The following SNTG1 variants were observed in gnomAD, a reference collection of about 807,000 sequenced individuals.
SNTG1 encodes the protein syntrophin gamma 1.
In SNTG1, 39 loss-of-function variants were observed where a neutral mutation model predicts 74.7. The ratio of observed to expected loss-of-function variants is 0.52; its 90% CI spans 0.40 to 0.68. SNTG1 has a LOEUF of 0.68. Ranked by LOEUF, SNTG1 falls within the 30% of genes least tolerant of loss-of-function variation. The pLI is 0.00. For missense variants in SNTG1, 685 were observed against 609.5 expected (o/e 1.12, Z -1.30); for synonymous variants, 254 against 217.1 (o/e 1.17, Z -1.49).
intron 13 of SNTG1, among the ~76,000 whole-genome samples, chr8:50,620,439 T>C (rs762680221): frequency 6.6e-6 from 1 of 152,160 alleles, no homozygotes; most frequent in Non-Finnish European, 1.5e-5. Flanking sequence ...AAAAGTCCCT[T>C]TGGCACCTGT....
intron 18 of SNTG1, among the ~76,000 whole-genome samples, chr8:50,754,860 A>G (rs1271612467): frequency 2.0e-5 from 3 of 151,596 alleles, no homozygotes; most frequent in Non-Finnish European, 4.4e-5. Flanking sequence ...TTGTGTTTCT[A>G]TTTTCATCGG....
At chr8:50,246,085 C>T (rs1440741939) in intron 2 of SNTG1, among the ~76,000 whole-genome samples, 1 of 150,332 alleles carries the variant, frequency 6.7e-6, no homozygotes, top group South Asian at 2.1e-4. Flanking sequence ...GTATTAAAAT[C>T]TCTCATGCAC....
chr8:50,689,402 AT>A (rs1228640146), intron 15 of SNTG1, among the ~76,000 whole-genome samples: 1 of 151,962 alleles, frequency 6.6e-6, no homozygotes, highest in Non-Finnish European at 1.5e-5. Context: ...GATAGCTCTT[AT>A]TTTTTTGAGA....
At chr8:50,413,857 A>G (rs2092981828) in intron 4 of SNTG1, among the ~76,000 whole-genome samples, 1 of 152,122 alleles carries the variant, frequency 6.6e-6, no homozygotes, top group Non-Finnish European at 1.5e-5. Context: ...CATTTAAACT[A>G]TTTATTGAAT....
intron 15 of SNTG1, among the ~76,000 whole-genome samples, chr8:50,704,063 C>T (rs773663328): frequency 6.6e-6 from 1 of 151,878 alleles, no homozygotes; most frequent in African/African-American, 2.4e-5. Flanking sequence ...GCATCAAAGT[C>T]GTTTTTTTGA....
chr8:50,517,733 A>G (rs965324364), intron 9 of SNTG1, among the ~76,000 whole-genome samples: 37 of 152,150 alleles, frequency 2.4e-4, no homozygotes, highest in African/African-American at 8.7e-4. Flanking sequence ...TGATAAAAGG[A>G]TCAATGCAAC....
chr8:50,597,534 T>C (rs1394255528), intron 13 of SNTG1, among the ~76,000 whole-genome samples: 1 of 151,800 alleles, frequency 6.6e-6, no homozygotes. Flanking sequence ...CAGCTATCTC[T>C]TTGACATACT....
chr8:50,313,565 C>A (rs1026170462), intron 2 of SNTG1, among the ~76,000 whole-genome samples: 3 of 149,724 alleles, frequency 2.0e-5, no homozygotes, highest in Non-Finnish European at 4.4e-5. Context: ...TGTGCAACAT[C>A]GTTAATCATC....
At chr8:49,969,583 G>C (rs1811469887) in intron 1 of SNTG1, among the ~76,000 whole-genome samples, 1 of 151,646 alleles carries the variant, frequency 6.6e-6, no homozygotes, top group Non-Finnish European at 1.5e-5. Context: ...TTTTAGTAGA[G>C]ACGGGGTTTC....
At chr8:50,489,622 G>T (rs1432589230) in intron 8 of SNTG1, among the ~76,000 whole-genome samples, 3 of 152,156 alleles carry the variant, frequency 2.0e-5, no homozygotes, top group Admixed American at 2.0e-4. Context: ...TGATGGAGTT[G>T]TTTGTTTTTT....
intron 12 of SNTG1, among the ~76,000 whole-genome samples, chr8:50,585,725 C>G (rs1342177459): frequency 6.6e-6 from 1 of 151,748 alleles, no homozygotes; most frequent in Non-Finnish European, 1.5e-5. Flanking sequence ...ATAGCAGACA[C>G]TATATTAATC....
chr8:50,305,395 T>TAA (rs2089845814), intron 2 of SNTG1, among the ~76,000 whole-genome samples: 1 of 152,118 alleles, frequency 6.6e-6, no homozygotes, highest in East Asian at 1.9e-4. Flanking sequence ...TACTAGAATG[T>TAA]GTCTTCTTGG....
Position 50,259,549 on chromosome 8 carries a change from A to G in SNTG1, c.-28+86914A>G, listed in dbSNP as rs530652012. 1.3e-3 allele frequency among the ~76,000 whole-genome samples: 188 copies of G among 143,572 alleles called. 32 individuals carry two copies. The highest frequency in any genetic ancestry group is 4.4e-3 in the African/African-American group (177 of 39,990). The allele number at this position is 143,572 out of a possible 152,430, so 94.2% of individuals were successfully genotyped here. A position where few individuals can be genotyped will look rare whatever the true frequency, so the allele number is the denominator to read the frequency against. On this transcript the variant is annotated intron_variant, in intron 2 of 18. Transcript: ENST00000642720. ...GAAAGAAAGAAAGAAAGAAAGAAAG[A>G]AAGAAAGAAAGAAAGAAAGAAAGAG... is the stretch of plus-strand genomic sequence containing the variant.
chr8:50,000,725 T>C (rs1814666588), intron 1 of SNTG1, among the ~76,000 whole-genome samples: 1 of 152,216 alleles, frequency 6.6e-6, no homozygotes, highest in Non-Finnish European at 1.5e-5. Context: ...ATCTGTGCTT[T>C]ACAAATGTAG....
intron 2 of SNTG1, among the ~76,000 whole-genome samples, chr8:50,377,668 G>A (rs765326156): frequency 1.3e-5 from 2 of 152,024 alleles, no homozygotes; most frequent in East Asian, 1.9e-4. Flanking sequence ...TTGGTTAAAA[G>A]CAATTTTATC....
In SNTG1 at chr8:50,794,188, G is replaced by A. The variant is rs1027110590; in HGVS notation, c.*1359G>A. 1 of 150,834 alleles carries A rather than the reference G, an allele frequency of 6.6e-6. No homozygotes were observed. Among genetic ancestry groups the A allele is most frequent in the African/African-American group, 2.4e-5 (1 of 41,120 alleles). 9.3% of individuals were successfully genotyped at this position (150,834 alleles called of 1,614,324 possible). On this transcript the variant is annotated 3_prime_UTR_variant, in exon 19 of 19. Coordinates refer to ENST00000642720, the MANE Select transcript of SNTG1 (RefSeq NM_018967.5). The stretch of plus-strand genomic sequence containing the variant: ...AACCAAGTATTATGTGTGTCCTTGT[G>A]GAGATAACCAAGTATCTAATAAATT...
chr8:50,771,064 C>T (rs1190061159), intron 18 of SNTG1, among the ~76,000 whole-genome samples: 3 of 152,050 alleles, frequency 2.0e-5, no homozygotes, highest in African/African-American at 4.8e-5. Flanking sequence ...AATTGGCATG[C>T]AGAGTGGGGT....
chr8:50,376,752 T>TAGAGAGAGAGAG (rs1209571081), intron 2 of SNTG1, among the ~76,000 whole-genome samples: 16 of 100,802 alleles, frequency 1.6e-4, no homozygotes, highest in South Asian at 3.3e-4. Flanking sequence ...TATATATATA[T>TAGAGAGAGAGAG]ATATAGAGAG....
chr8:50,608,299 C>G (rs761359608), intron 13 of SNTG1, among the ~76,000 whole-genome samples: 2 of 151,604 alleles, frequency 1.3e-5, no homozygotes, highest in Non-Finnish European at 3.0e-5. Flanking sequence ...GAGAGTAATA[C>G]GTAAATCTCC....
Sources: gnomAD v4.1 joint callset for allele counts (sites outside exome capture counted in the v4.1 genomes callset) on GRCh38, gnomAD v4.1.1 for gene constraint, MANE v1.5 for transcripts, NCBI Gene and HGNC (gene_info 2026-07-23, HGNC 2026-07-21) for gene names.